Variants in FOCAD observed in about 807,000 individuals in gnomAD.
FOCAD encodes KIAA1797.
FOCAD carries 198 observed loss-of-function variants against 225.6 expected under a neutral mutation model. The ratio of observed to expected loss-of-function variants is 0.88; its 90% CI spans 0.78 to 0.99. The LOEUF is 0.99. FOCAD is among the 50% of genes least tolerant of loss of function. The pLI is 0.00. For synonymous variants in FOCAD, 897 were observed against 755.0 expected (o/e 1.19, Z -3.08); for missense variants, 2,713 against 2,123.6 (o/e 1.28, Z -5.46).
chr9:20,993,135 G>T, intron 42 of FOCAD, 118 bp from the exon 43 acceptor site: 1 of 729,352 alleles, frequency 1.4e-6, no homozygotes, highest in Non-Finnish European at 2.3e-6. Context: ...TGTAATCCCA[G>T]CTACTGGGGA....
intron 28 of FOCAD, among the ~76,000 whole-genome samples, chr9:20,936,330 G>A (rs1253821624): frequency 2.0e-5 from 3 of 152,138 alleles, no homozygotes; most frequent in Non-Finnish European, 4.4e-5. Flanking sequence ...TATCTTGTTA[G>A]TTTCAGACTA....
At chr9:20,692,192 C>G (rs1029356032) in intron 1 of FOCAD, among the ~76,000 whole-genome samples, 4 of 152,142 alleles carry the variant, frequency 2.6e-5, no homozygotes, top group African/African-American at 9.7e-5. Context: ...ATATTTCAAA[C>G]TAAACTCTGA....
Position 20,929,426 on chromosome 9 carries a change from C to T in FOCAD, c.3147C>T (p.Leu1049=), listed in dbSNP as rs745663723. ...ARSAAATALS[L]LVPVFIISCK... is the part of the protein sequence containing the mutation. ...CTGCTGCCGCCACGGCTTTGTCTCT[C>T]CTTGTGCCAGTTTTCATTATCTCTT... The change falls in exon 27 of 44, where the codon CTC becomes CTT. Residue 1049 remains leucine (L), a synonymous_variant. Coordinates refer to ENST00000338382, the MANE Select transcript of FOCAD (RefSeq NM_001375567.1). The T allele has an allele frequency of 3.2e-5, 52 of 1,613,976 alleles. No individual in the cohort carries two copies. Among genetic ancestry groups the T allele is most frequent in the Non-Finnish European group, 4.4e-5 (52 of 1,180,022 alleles).
At chr9:20,692,619 G>A (rs1285184752) in intron 1 of FOCAD, among the ~76,000 whole-genome samples, 1 of 152,198 alleles carries the variant, frequency 6.6e-6, no homozygotes, top group Non-Finnish European at 1.5e-5. Context: ...GTAGTGATCG[G>A]CACTGGTAGG....
intron 31 of FOCAD, 75 bp downstream of exon 31, chr9:20,948,468 G>T: frequency 6.7e-7 from 1 of 1,495,018 alleles, no homozygotes. Context: ...TCATTTATAG[G>T]AGTTGCTGAG....
chr9:20,813,453 C>G (rs1238881894), intron 11 of FOCAD, among the ~76,000 whole-genome samples: 1 of 152,080 alleles, frequency 6.6e-6, no homozygotes, highest in South Asian at 2.1e-4. Flanking sequence ...AGTGGCCACA[C>G]CTTTTTTACA....
intron 11 of FOCAD, 47 bp from the exon 12 acceptor site, chr9:20,819,749 T>C (rs747386351): frequency 9.5e-7 from 1 of 1,057,088 alleles, no homozygotes; most frequent in Admixed American, 2.6e-5. Context: ...TATATATTAC[T>C]TTTTTGTAAC....
chr9:20,664,954 C>A (rs546968574), intron 2 of FOCAD, among the ~76,000 whole-genome samples: 2 of 94,688 alleles, frequency 2.1e-5, no homozygotes, highest in South Asian at 4.7e-4. Context: ...GTGGAAAACA[C>A]TGCATTTTTT....
intron 11 of FOCAD, among the ~76,000 whole-genome samples, chr9:20,791,237 T>TCACACACACACACACACACA (rs10652100): frequency 6.7e-6 from 1 of 148,492 alleles, no homozygotes; most frequent in Non-Finnish European, 1.5e-5. Context: ...ACACACACAC[T>TCACACACACACACACACACA]CACACACACA....
chr9:20,725,006 C>G (rs924332991), intron 4 of FOCAD, among the ~76,000 whole-genome samples: 4 of 152,128 alleles, frequency 2.6e-5, no homozygotes, highest in African/African-American at 9.7e-5. Flanking sequence ...CTGTCTCTAA[C>G]TAAAAATACA....
At chr9:20,995,351 AG>A (rs1277069954) in intron 43 of FOCAD, among the ~76,000 whole-genome samples, 1 of 115,428 alleles carries the variant, frequency 8.7e-6, no homozygotes, top group Non-Finnish European at 1.8e-5. Context: ...AACTGATTGC[AG>A]GGTAACTTAA....
chr9:20,753,585 C>T (rs1466144856), intron 5 of FOCAD, among the ~76,000 whole-genome samples: 1 of 151,872 alleles, frequency 6.6e-6, no homozygotes, highest in East Asian at 1.9e-4. Context: ...AGGATTTTTG[C>T]ATCAATGTTC....
intron 11 of FOCAD, among the ~76,000 whole-genome samples, chr9:20,799,943 C>T (rs1000954278): frequency 1.3e-5 from 2 of 152,098 alleles, no homozygotes; most frequent in African/African-American, 4.8e-5. Context: ...TTCCTAGCCT[C>T]AATGATCTTT....
At chr9:20,764,777 T>C in intron 6 of FOCAD, 92 bp from the exon 7 acceptor site, 1 of 937,232 alleles carries the variant, frequency 1.1e-6, no homozygotes, top group Non-Finnish European at 1.7e-6. Flanking sequence ...GTAGATTATG[T>C]TATGTCATGA....
intron 28 of FOCAD, among the ~76,000 whole-genome samples, chr9:20,940,585 A>G (rs373851625): frequency 8.5e-5 from 13 of 152,268 alleles, no homozygotes; most frequent in African/African-American, 3.1e-4. Flanking sequence ...TGCACCCAGC[A>G]TAGTTCTCTT....
At chr9:20,916,813 C>G (rs1833903474) in intron 23 of FOCAD, 80 bp from the exon 24 acceptor site, 2 of 1,306,910 alleles carry the variant, frequency 1.5e-6, no homozygotes, top group Admixed American at 4.6e-5. Context: ...GCTGGAGGTT[C>G]TTATTAATTG....
chr9:20,690,994 G>A (rs1822940424), intron 1 of FOCAD, among the ~76,000 whole-genome samples: 1 of 151,808 alleles, frequency 6.6e-6, no homozygotes, highest in Non-Finnish European at 1.5e-5. Flanking sequence ...CCAGGCTGGA[G>A]TGCAGTGGCG....
intron 1 of FOCAD, among the ~76,000 whole-genome samples, chr9:20,700,210 G>A (rs534061030): frequency 1.3e-5 from 2 of 151,834 alleles, no homozygotes; most frequent in East Asian, 1.9e-4. Flanking sequence ...TGATACTGTG[G>A]GTTTTTAAAG....
chr9:20,866,341 T>C (rs992072723), intron 17 of FOCAD, among the ~76,000 whole-genome samples: 1 of 151,964 alleles, frequency 6.6e-6, no homozygotes. Context: ...TTGTTTCCAA[T>C]CAAGGATTAT....
Sources: gnomAD v4.1 joint callset for allele counts (sites outside exome capture counted in the v4.1 genomes callset) on GRCh38, gnomAD v4.1.1 for gene constraint, MANE v1.5 for transcripts, NCBI Gene and HGNC (gene_info 2026-07-23, HGNC 2026-07-21) for gene names.